SLC8A1: variants seen among roughly 807,000 people sequenced by gnomAD.
SLC8A1 encodes the protein sodium/calcium exchanger 1.
SLC8A1 carries 18 observed loss-of-function variants against 68.3 expected under a neutral mutation model. The observed-to-expected ratio is 0.26, with a 90% CI of 0.18 to 0.39. SLC8A1 has a LOEUF of 0.39. Ranked by LOEUF, SLC8A1 falls within the 10% of genes least tolerant of loss-of-function variation. The pLI is 1.00. For synonymous variants in SLC8A1, 475 were observed against 415.5 expected (o/e 1.14, Z -1.74); for missense variants, 985 against 1,156.7 (o/e 0.85, Z 2.15).
intron 2 of SLC8A1, among the ~76,000 whole-genome samples, chr2:40,345,978 T>C (rs987140083): frequency 6.9e-6 from 1 of 145,076 alleles, no homozygotes; most frequent in Non-Finnish European, 1.5e-5. Context: ...AACCTGCACA[T>C]ACTGCACGTG....
At chr2:40,239,516 G>C (rs915690999) in intron 2 of SLC8A1, among the ~76,000 whole-genome samples, 1 of 152,140 alleles carries the variant, frequency 6.6e-6, no homozygotes, top group East Asian at 1.9e-4. Context: ...ATTTGTCTGA[G>C]GTACACAAGT....
chr2:40,329,242 G>A lies in SLC8A1; in HGVS notation c.1808+99231C>T, dbSNP rs544885475. 6.6e-5 allele frequency among the ~76,000 whole-genome samples: 10 copies of A among 152,226 alleles called. No individual in the cohort carries two copies. The South Asian group carries it at 8.3e-4, about 13-fold the overall frequency. Reference sequence around the variant, plus strand: ...ACGCAACCGTTAGGTCCAACCAAATGTTATCAGTTCCAACAATCCTTCCCA... The same window carrying A: ...ACGCAACCGTTAGGTCCAACCAAATATTATCAGTTCCAACAATCCTTCCCA... On this transcript the variant is annotated intron_variant, in intron 2 of 7. Coordinates refer to ENST00000406785, the Ensembl canonical transcript of SLC8A1.
chr2:40,428,854 C>G, exon 2 of SLC8A1: 1 of 1,613,840 alleles, frequency 6.2e-7, no homozygotes, highest in Non-Finnish European at 8.5e-7. Flanking sequence ...GATACCCACT[C>G]TGATTTCCTT....
intron 2 of SLC8A1, among the ~76,000 whole-genome samples, chr2:40,206,860 T>C (rs1195091158): frequency 2.6e-5 from 4 of 152,092 alleles, no homozygotes; most frequent in Admixed American, 2.0e-4. Flanking sequence ...CATTTTCTTC[T>C]TAGATTCTTT....
chr2:40,133,738 C>T (rs930720551), intron 7 of SLC8A1, among the ~76,000 whole-genome samples: 4 of 150,300 alleles, frequency 2.7e-5, no homozygotes, highest in Non-Finnish European at 5.9e-5. Context: ...TCTCAGAGTT[C>T]TCCCTGCAGT....
At chr2:40,410,289 C>A (rs1021260072) in intron 2 of SLC8A1, among the ~76,000 whole-genome samples, 1 of 152,068 alleles carries the variant, frequency 6.6e-6, no homozygotes, top group African/African-American at 2.4e-5. Context: ...CCAGCAAAAT[C>A]TTTCAATATG....
intron 4 of SLC8A1, among the ~76,000 whole-genome samples, chr2:40,172,989 C>T (rs1038226561): frequency 2.0e-5 from 3 of 152,066 alleles, no homozygotes; most frequent in Admixed American, 6.5e-5. Context: ...GATATTCAAA[C>T]ACGTCAATGT....
chr2:40,348,315 C>T (rs1669983164), intron 2 of SLC8A1, among the ~76,000 whole-genome samples: 1 of 152,142 alleles, frequency 6.6e-6, no homozygotes, highest in African/African-American at 2.4e-5. Flanking sequence ...TGCATAGGCT[C>T]CTTCCAGCTT....
chr2:40,347,169 C>G (rs1669624567), intron 2 of SLC8A1, among the ~76,000 whole-genome samples: 1 of 152,146 alleles, frequency 6.6e-6, no homozygotes, highest in Non-Finnish European at 1.5e-5. Context: ...TCTCTGTAGC[C>G]TATCGCCCAG....
intron 5 of SLC8A1, among the ~76,000 whole-genome samples, chr2:40,162,225 A>G (rs2045813670): frequency 6.6e-6 from 1 of 152,220 alleles, no homozygotes; most frequent in South Asian, 2.1e-4. Context: ...CTTGGCCACC[A>G]TAACTTGAAG....
intron 2 of SLC8A1, among the ~76,000 whole-genome samples, chr2:40,296,195 A>G (rs796081504): frequency 3.3e-5 from 5 of 152,320 alleles, no homozygotes; most frequent in African/African-American, 1.2e-4. Flanking sequence ...CAACTGAAAC[A>G]TATTAAAAAT....
At chr2:40,432,230 T>C (rs552118193) in intron 1 of SLC8A1, among the ~76,000 whole-genome samples, 8 of 151,968 alleles carry the variant, frequency 5.3e-5, no homozygotes, top group African/African-American at 1.9e-4. Context: ...GACTTACTAG[T>C]CTGTCTTCTA....
chr2:40,296,390 C>G (rs1432246441), intron 2 of SLC8A1, among the ~76,000 whole-genome samples: 1 of 152,108 alleles, frequency 6.6e-6, no homozygotes, highest in Non-Finnish European at 1.5e-5. Flanking sequence ...AAAATTCAGG[C>G]TGCTGCTTTA....
chr2:40,438,597 A>G (rs1402637232), intron 1 of SLC8A1, among the ~76,000 whole-genome samples: 1 of 152,186 alleles, frequency 6.6e-6, no homozygotes, highest in African/African-American at 2.4e-5. Context: ...GGAAGAATTG[A>G]CAAAATGTCA....
chr2:40,302,190 C>A (rs1165560046), intron 2 of SLC8A1, among the ~76,000 whole-genome samples: 1 of 151,962 alleles, frequency 6.6e-6, no homozygotes, highest in East Asian at 1.9e-4. Flanking sequence ...AGCCACTGCA[C>A]CCAGCCCCAA....
chr2:40,395,386 C>T (rs1164983258), intron 2 of SLC8A1, among the ~76,000 whole-genome samples: 1 of 152,112 alleles, frequency 6.6e-6, no homozygotes, highest in African/African-American at 2.4e-5. Context: ...GAACTGTGTG[C>T]AGGCCCCTCT....
At chr2:40,150,609 G>C (rs10221571) in intron 6 of SLC8A1, among the ~76,000 whole-genome samples, 92,672 of 152,022 alleles carry the variant, frequency 0.61, 31,157 homozygotes, top group East Asian at 0.82. Flanking sequence ...TGCCACCCCA[G>C]ACAAAACTGC....
chr2:40,359,254 C>A (rs1312000557), intron 2 of SLC8A1, among the ~76,000 whole-genome samples: 1 of 152,110 alleles, frequency 6.6e-6, no homozygotes, highest in Non-Finnish European at 1.5e-5. Context: ...CGATTACATA[C>A]TGAAATGACA....
At chr2:40,187,732 C>A (rs988816575) in intron 2 of SLC8A1, among the ~76,000 whole-genome samples, 2 of 152,084 alleles carry the variant, frequency 1.3e-5, no homozygotes, top group Non-Finnish European at 2.9e-5. Flanking sequence ...GTTGACTACT[C>A]GAAAGAGATA....
Sources: gnomAD v4.1 joint callset for allele counts (sites outside exome capture counted in the v4.1 genomes callset) on GRCh38, gnomAD v4.1.1 for gene constraint, MANE v1.5 for transcripts, NCBI Gene and HGNC (gene_info 2026-07-23, HGNC 2026-07-21) for gene names.